Variants in UBE2J1 observed in about 807,000 individuals in gnomAD.
The protein encoded by UBE2J1 is ubiquitin-conjugating enzyme E2 J1.
In UBE2J1, 17 loss-of-function variants were observed where a neutral mutation model predicts 42.1. The observed-to-expected ratio is 0.40, with a 90% CI of 0.28 to 0.61. The LOEUF (loss-of-function observed/expected upper bound fraction) is 0.61. Among genes scored for constraint, UBE2J1 ranks in the 20% least tolerant of loss-of-function variants. The pLI, the probability that UBE2J1 is intolerant of heterozygous loss-of-function variation, is 0.38. For synonymous variants in UBE2J1, 127 were observed against 137.2 expected (o/e 0.93, Z 0.52); for missense variants, 291 against 389.4 (o/e 0.75, Z 2.13).
At chr6:89,349,038 C>T (rs1768414883) in intron 1 of UBE2J1, among the ~76,000 whole-genome samples, 1 of 152,088 alleles carries the variant, frequency 6.6e-6, no homozygotes, top group African/African-American at 2.4e-5. Flanking sequence ...GCGTTTGAGA[C>T]CAGCCTGGGC....
In UBE2J1 at chr6:89,342,746, G is replaced by T. The variant is rs75258062; in HGVS notation, c.106-291C>A. Among the ~76,000 whole-genome samples, 39 of 152,050 alleles carry T rather than the reference G, an allele frequency of 2.6e-4. No individual in the cohort carries two copies. In the East Asian group the frequency reaches 7.5e-3, roughly 29 times the overall value. On this transcript the variant is annotated intron_variant, in intron 2 of 7. Coordinates refer to ENST00000435041, the MANE Select transcript of UBE2J1 (RefSeq NM_016021.3). ...ATAAGTAACTTACAGGTTTAAATTG[G>T]AAATTAATCCTTGAAAGAATAGCAA...
chr6:89,342,720 C>A (rs939652738), intron 2 of UBE2J1, among the ~76,000 whole-genome samples: 1 of 151,970 alleles, frequency 6.6e-6, no homozygotes, highest in African/African-American at 2.4e-5. Flanking sequence ...GTTATATATT[C>A]ATAAGTAACT....
At chr6:89,351,326 A>G (rs916271522) in intron 1 of UBE2J1, among the ~76,000 whole-genome samples, 36 of 151,682 alleles carry the variant, frequency 2.4e-4, no homozygotes, top group African/African-American at 8.2e-4. Context: ...AAGCCTCCCA[A>G]AGTGCTGGGA....
chr6:89,331,581 G>T (rs1175659494), intron 7 of UBE2J1, among the ~76,000 whole-genome samples: 2 of 152,172 alleles, frequency 1.3e-5, no homozygotes, highest in African/African-American at 4.8e-5. Context: ...AGGCACTGGG[G>T]ATACAGTGGA....
intron 5 of UBE2J1, among the ~76,000 whole-genome samples, chr6:89,336,701 A>T (rs1768114386): frequency 6.6e-6 from 1 of 151,992 alleles, no homozygotes; most frequent in Non-Finnish European, 1.5e-5. Context: ...CACACCTTTG[A>T]GAATTGGTTA....
At chr6:89,338,402 A>G (rs567236267) in intron 4 of UBE2J1, 57 bp downstream of exon 4, 38 of 1,571,880 alleles carry the variant, frequency 2.4e-5, no homozygotes, top group Non-Finnish European at 3.2e-5. Context: ...ATTATACTTC[A>G]TAACTATGAA....
chr6:89,347,208 T>C (rs560006301), intron 1 of UBE2J1, among the ~76,000 whole-genome samples: 247 of 152,226 alleles, frequency 1.6e-3, no homozygotes, highest in African/African-American at 5.8e-3. Context: ...AAGGGACCCA[T>C]AGAACAAAGA....
intron 7 of UBE2J1, among the ~76,000 whole-genome samples, chr6:89,331,526 CAACA>C (rs1475207042): frequency 3.3e-5 from 5 of 152,122 alleles, no homozygotes; most frequent in East Asian, 1.9e-4. Flanking sequence ...TTCATTCAAT[CAACA>C]AACAAACATT....
chr6:89,349,786 CTT>C (rs1768433297), intron 1 of UBE2J1, among the ~76,000 whole-genome samples: 1 of 152,140 alleles, frequency 6.6e-6, no homozygotes, highest in Non-Finnish European at 1.5e-5. Context: ...AACTCTTAGA[CTT>C]CTGGTGGAGG....
chr6:89,335,202 G>A, intron 6 of UBE2J1, 100 bp downstream of exon 6: 1 of 1,120,438 alleles, frequency 8.9e-7, no homozygotes, highest in Non-Finnish European at 1.2e-6. Flanking sequence ...ATTGGCAAAT[G>A]TCATATTGTA....
In UBE2J1 at chr6:89,333,050, G is replaced by C. The variant is rs201739979; in HGVS notation, c.678+36C>G. 1.6e-5 allele frequency: 24 copies of C among 1,520,942 alleles called. No individual in the cohort carries two copies. In the East Asian group the frequency reaches 5.5e-4, roughly 35 times the overall value. 94.2% of individuals were successfully genotyped at this position (1,520,942 alleles called of 1,614,324 possible). ...CCTATTGCAAACAGTGATAATGATA[G>C]AGACATACATATATATTAAAAGATA... On this transcript the variant is annotated intron_variant, in intron 7 of 7. Transcript: ENST00000435041.
chr6:89,329,786 G>A lies in UBE2J1; in HGVS notation c.850C>T (p.His284Tyr). The A allele has an allele frequency of 6.2e-7, 1 of 1,614,100 alleles. No homozygotes were observed. The highest frequency in any genetic ancestry group is 1.6e-4 in the Middle Eastern group (1 of 6,062). ...GHQPRDNHTDHGGSAVLIVIL... is the reference protein window; with the variant it reads ...GHQPRDNHTDYGGSAVLIVIL... ...ACAATCAGTACAGCTGACCCACCAT[G>A]ATCAGTGTGGTTGTCTCTTGGCTGG... The change falls in exon 8 of 8, where the codon CAT (histidine) becomes TAT (tyrosine). Residue 284 changes from histidine (H) to tyrosine (Y), a missense_variant. His to Tyr is a moderately conservative substitution (Grantham distance 83, BLOSUM62 2). Coordinates refer to ENST00000435041, the MANE Select transcript of UBE2J1 (RefSeq NM_016021.3).
intron 1 of UBE2J1, among the ~76,000 whole-genome samples, chr6:89,344,629 A>C (rs1444468843): frequency 6.6e-6 from 1 of 152,222 alleles, no homozygotes; most frequent in Non-Finnish European, 1.5e-5. Context: ...TGGTGCAGTA[A>C]TGCCATTACA....
In UBE2J1 at chr6:89,329,674, C is replaced by T; in HGVS notation, c.*5G>A. On this transcript the variant is annotated 3_prime_UTR_variant, in exon 8 of 8. Transcript: ENST00000435041. ...GAGTCACAGCTCATAAGTCACAAAA[C>T]CATATTATAACTCAAAGTCAAATAT... 1 of 1,613,918 alleles carries T rather than the reference C, an allele frequency of 6.2e-7. No homozygotes were observed. Among genetic ancestry groups the T allele is most frequent in the Non-Finnish European group, 8.5e-7 (1 of 1,179,882 alleles).
intron 1 of UBE2J1, among the ~76,000 whole-genome samples, chr6:89,346,372 A>G (rs1182281845): frequency 6.6e-6 from 1 of 152,100 alleles, no homozygotes; most frequent in Non-Finnish European, 1.5e-5. Context: ...GACGGCTGGG[A>G]GGTGCAGTCA....
rs1767934556 is a variant in UBE2J1, at chr6:89,327,714, A to AT, written c.*1964_*1965insA. ...CAGGATTGGCTTAAAGTATAGGTACACCCCATGGAAACATGCAATAAGATC... is the reference window on the plus strand; with the variant it reads ...CAGGATTGGCTTAAAGTATAGGTACATCCCCATGGAAACATGCAATAAGATC... On this transcript the variant is annotated 3_prime_UTR_variant, in exon 8 of 8. Coordinates refer to ENST00000435041, the MANE Select transcript of UBE2J1 (RefSeq NM_016021.3). The AT allele has an allele frequency of 6.6e-6, 1 of 152,204 alleles. No individual in the cohort carries two copies. The highest frequency in any genetic ancestry group is 6.5e-5 in the Admixed American group (1 of 15,274). 9.4% of individuals were successfully genotyped at this position (152,204 alleles called of 1,614,324 possible).
At position 89,340,066 on chromosome 6, in the gene UBE2J1, G is replaced by T. The variant is rs1231877002; in HGVS notation, c.238-1523C>A. 2.6e-5 allele frequency among the ~76,000 whole-genome samples: 4 copies of T among 151,786 alleles called. No individual in the cohort carries two copies. In the East Asian group the frequency reaches 7.7e-4, roughly 29 times the overall value. ...AAAGAGAAGACATTCAAGAGGCCAG[G>T]ACGAAACCTAAGGACTCAGTATCAC... On this transcript the variant is annotated intron_variant, in intron 3 of 7. Transcript: ENST00000435041.
At chr6:89,349,860 C>T (rs1241215261) in intron 1 of UBE2J1, among the ~76,000 whole-genome samples, 1 of 152,086 alleles carries the variant, frequency 6.6e-6, no homozygotes, top group East Asian at 1.9e-4. Flanking sequence ...GTCAATGGCC[C>T]CCTGATGAAG....
intron 1 of UBE2J1, among the ~76,000 whole-genome samples, chr6:89,347,662 G>T (rs1768387788): frequency 6.6e-6 from 1 of 152,146 alleles, no homozygotes; most frequent in African/African-American, 2.4e-5. Flanking sequence ...CAAAAGGTGA[G>T]ATTAGTCTCT....
Sources: gnomAD v4.1 joint callset for allele counts (sites outside exome capture counted in the v4.1 genomes callset) on GRCh38, gnomAD v4.1.1 for gene constraint, MANE v1.5 for transcripts, NCBI Gene and HGNC (gene_info 2026-07-23, HGNC 2026-07-21) for gene names.